The following UNC13C variants were observed in gnomAD, a reference collection of about 807,000 sequenced individuals.
The protein encoded by UNC13C is unc-13 homolog C.
Under a neutral mutation model 245.4 loss-of-function variants are expected in UNC13C, and 174 were observed. That is an observed-to-expected ratio of 0.71 (90% CI 0.63 to 0.80). The LOEUF (loss-of-function observed/expected upper bound fraction) is 0.80. UNC13C is among the 30% of genes least tolerant of loss of function. The pLI is 0.00. For missense variants in UNC13C, 2,829 were observed against 2,602.9 expected, an observed-to-expected ratio of 1.09 and a Z score of -1.89; for synonymous variants, 992 against 895.1, an observed-to-expected ratio of 1.11 and a Z score of -1.93.
chr15:53,960,392 C>T, the UNC13C span, among the ~76,000 whole-genome samples: 1 of 150,778 alleles, frequency 6.6e-6, no homozygotes, highest in Non-Finnish European at 1.5e-5. Flanking sequence ...AAGAAAGGAA[C>T]CAGAATGTCC....
chr15:53,894,048 C>T, the UNC13C span, among the ~76,000 whole-genome samples: 2 of 152,178 alleles, frequency 1.3e-5, no homozygotes, highest in Non-Finnish European at 2.9e-5. Context: ...CTGGAGCACA[C>T]AGTTCCTCAG....
chr15:53,983,992 T>G (rs1426232186), intron 1 of UNC13C, among the ~76,000 whole-genome samples: 1 of 152,102 alleles, frequency 6.6e-6, no homozygotes, highest in Non-Finnish European at 1.5e-5. Flanking sequence ...CTAGTTCAAG[T>G]TCTTATAACT....
intron 14 of UNC13C, among the ~76,000 whole-genome samples, chr15:54,324,379 C>T (rs1336194419): frequency 6.6e-6 from 1 of 151,972 alleles, no homozygotes; most frequent in Non-Finnish European, 1.5e-5. Context: ...GCTTTCTTAC[C>T]TATGAGAATT....
intron 2 of UNC13C, among the ~76,000 whole-genome samples, chr15:54,070,020 T>C (rs1309740787): frequency 6.6e-6 from 1 of 152,228 alleles, no homozygotes. Flanking sequence ...TAGACAGTTA[T>C]GTAATAAGCT....
Position 54,567,909 on chromosome 15 carries a change from C to A in UNC13C, c.6068C>A (p.Ala2023Asp), listed in dbSNP as rs371933638. 12 of 1,584,110 alleles carry A rather than the reference C, an allele frequency of 7.6e-6. No individual in the cohort carries two copies. In the African/African-American group the frequency reaches 8.1e-5, roughly 11 times the overall value. ...AGTCTTTATACCCAAACTACTGATG[C>A]CTTGATAAAGAAATTCATAGATACT... is the stretch of plus-strand genomic sequence containing the variant. ...ALSLYTQTTD[A>D]LIKKFIDTQT... The change falls in exon 30 of 33, where the codon GCC becomes GAC. Residue 2023 changes from alanine to aspartate, a missense_variant. Physicochemically the swap from Ala to Asp is moderately radical, Grantham distance 126. Transcript: ENST00000260323.
chr15:54,028,189 C>T (rs553313824), intron 2 of UNC13C, among the ~76,000 whole-genome samples: 8 of 152,168 alleles, frequency 5.3e-5, no homozygotes, highest in Non-Finnish European at 1.2e-4. Flanking sequence ...TTCAGACTTT[C>T]AGTTGATTTC....
At chr15:54,603,920 T>C (rs1420460266) in intron 30 of UNC13C, among the ~76,000 whole-genome samples, 1 of 151,552 alleles carries the variant, frequency 6.6e-6, no homozygotes, top group African/African-American at 2.4e-5. Flanking sequence ...ACGGCTTTTC[T>C]TTTTTTTTCC....
chr15:54,176,747 A>G (rs2033629115), intron 4 of UNC13C, among the ~76,000 whole-genome samples: 1 of 152,132 alleles, frequency 6.6e-6, no homozygotes, highest in Admixed American at 6.5e-5. Context: ...ACATGGGTTT[A>G]ATATTTGAAG....
chr15:54,353,519 G>C (rs1254449536), intron 17 of UNC13C, among the ~76,000 whole-genome samples: 3 of 152,132 alleles, frequency 2.0e-5, no homozygotes, highest in Admixed American at 2.0e-4. Flanking sequence ...ATAGACAGTT[G>C]TATTTTTCAT....
the UNC13C span, among the ~76,000 whole-genome samples, chr15:53,958,901 C>T: frequency 6.6e-6 from 1 of 152,136 alleles, no homozygotes; most frequent in Admixed American, 6.6e-5. Context: ...ATTCCTTCCA[C>T]GTAACTGCAT....
the UNC13C span, among the ~76,000 whole-genome samples, chr15:53,845,268 T>A: frequency 6.8e-6 from 1 of 147,130 alleles, no homozygotes; most frequent in Non-Finnish European, 1.5e-5. Context: ...GAGGTTGCAG[T>A]GAGCTGACAC....
At chr15:53,982,657 A>C (rs1893972423) in intron 1 of UNC13C, among the ~76,000 whole-genome samples, 1 of 152,192 alleles carries the variant, frequency 6.6e-6, no homozygotes, top group Non-Finnish European at 1.5e-5. Flanking sequence ...TTAATGACAC[A>C]TTCCAACAAG....
chr15:54,076,074 T>TTTTG (rs1898600677), intron 2 of UNC13C, among the ~76,000 whole-genome samples: 1 of 149,454 alleles, frequency 6.7e-6, no homozygotes, highest in Non-Finnish European at 1.5e-5. Context: ...TTTTTTTTTT[T>TTTTG]TTTTCACTTT....
chr15:54,124,264 G>A (rs2030880845), intron 2 of UNC13C, among the ~76,000 whole-genome samples: 2 of 152,198 alleles, frequency 1.3e-5, no homozygotes, highest in East Asian at 1.9e-4. Context: ...TTATGACATC[G>A]TACACGAGAC....
At chr15:54,085,797 G>A (rs1166335072) in intron 2 of UNC13C, among the ~76,000 whole-genome samples, 2 of 152,064 alleles carry the variant, frequency 1.3e-5, no homozygotes, top group Non-Finnish European at 2.9e-5. Flanking sequence ...CATGACATTT[G>A]TGGGGGTGTG....
intron 14 of UNC13C, among the ~76,000 whole-genome samples, chr15:54,331,605 G>C (rs976822968): frequency 6.6e-6 from 1 of 152,094 alleles, no homozygotes; most frequent in Non-Finnish European, 1.5e-5. Flanking sequence ...GTAGGTGGTA[G>C]AAGTGTAAAA....
chr15:53,853,901 G>A, the UNC13C span, among the ~76,000 whole-genome samples: 1 of 151,946 alleles, frequency 6.6e-6, no homozygotes, highest in Non-Finnish European at 1.5e-5. Flanking sequence ...TTAGACCTTT[G>A]TCAGATGGAT....
At chr15:54,446,745 A>G (rs1292897588) in intron 19 of UNC13C, among the ~76,000 whole-genome samples, 1 of 152,202 alleles carries the variant, frequency 6.6e-6, no homozygotes, top group African/African-American at 2.4e-5. Flanking sequence ...AACAGGGACA[A>G]GTTGACTTCC....
chr15:54,061,452 G>A (rs990076090), intron 2 of UNC13C, among the ~76,000 whole-genome samples: 1 of 152,148 alleles, frequency 6.6e-6, no homozygotes, highest in Admixed American at 6.5e-5. Flanking sequence ...CTGGACCAGA[G>A]TTATTTTTTT....
Sources: gnomAD v4.1 joint callset for allele counts (sites outside exome capture counted in the v4.1 genomes callset) on GRCh38, gnomAD v4.1.1 for gene constraint, MANE v1.5 for transcripts, NCBI Gene and HGNC (gene_info 2026-07-23, HGNC 2026-07-21) for gene names.